The following ZMYM6 variants were observed in gnomAD, a reference collection of about 807,000 sequenced individuals.
ZMYM6 encodes the protein zinc finger MYM-type protein 6.
In ZMYM6, 90 loss-of-function variants were observed where a neutral mutation model predicts 134.0. The ratio of observed to expected loss-of-function variants is 0.67; its 90% CI spans 0.57 to 0.80. The LOEUF is 0.80. ZMYM6 is among the 30% of genes least tolerant of loss of function. The probability of loss-of-function intolerance (pLI) is 0.00; values close to 1 mark genes in which losing one functional copy is unlikely to be tolerated. For missense variants in ZMYM6, 1,362 were observed against 1,533.9 expected, an observed-to-expected ratio of 0.89 and a Z score of 1.87; for synonymous variants, 481 against 524.1, an observed-to-expected ratio of 0.92 and a Z score of 1.12.
chr1:35,013,186 T>C (rs1444827961), intron 6 of ZMYM6: 16 of 718,756 alleles, frequency 2.2e-5, no homozygotes, highest in Non-Finnish European at 2.7e-5. Flanking sequence ...CTAAGAAATT[T>C]ATATATAGTG....
chr1:35,009,218 C>T lies in ZMYM6; in HGVS notation c.1493-294G>A, dbSNP rs536337957. ...GGTTCAAACGATTCTCCTGCCTCAG[C>T]CTCCTGAGTAGAGCAGCTGGGATTA... On this transcript the variant is annotated intron_variant, in intron 10 of 15. Transcript: ENST00000357182. Among the ~76,000 whole-genome samples the T allele has an allele frequency of 1.1e-4, 17 of 152,316 alleles. No individual in the cohort carries two copies. In the East Asian group the frequency reaches 3.1e-3, roughly 28 times the overall value.
chr1:35,007,174 G>A, intron 11 of ZMYM6, 76 bp from the exon 12 acceptor site: 17 of 1,439,316 alleles, frequency 1.2e-5, no homozygotes, highest in East Asian at 4.9e-5. Context: ...ATAAAAAGAG[G>A]GACTACGAAA....
chr1:35,025,472 AAAAAAAAAAAAAAAAAG>A (rs1641394256), intron 2 of ZMYM6, among the ~76,000 whole-genome samples: 1 of 144,460 alleles, frequency 6.9e-6, no homozygotes, highest in Non-Finnish European at 1.5e-5. Flanking sequence ...ATCCCAAAAA[AAAAAAAAAAAAAAAAAG>A]AAAGAAAAAA....
In ZMYM6 at chr1:35,008,796, A is replaced by G. The variant is rs1557573043; in HGVS notation, c.1621T>C (p.Cys541Arg). 5 of 1,614,146 alleles carry G rather than the reference A, an allele frequency of 3.1e-6. No individual in the cohort carries two copies. The highest frequency in any genetic ancestry group is 3.4e-6 in the Non-Finnish European group (4 of 1,180,012). Residue 541 changes from cysteine (C) to arginine (R), a missense_variant, in exon 11 of 16, where the codon TGT (cysteine) becomes CGT (arginine). Cys to Arg is a radical substitution (Grantham distance 180). Coordinates refer to ENST00000357182, the MANE Select transcript of ZMYM6 (RefSeq NM_007167.4). ...AATTTGGACATACAATCTTCACAACAAAACTCTTCTAACTTGCCCTCCAAT... is the reference window on the plus strand; with the variant it reads ...AATTTGGACATACAATCTTCACAACGAAACTCTTCTAACTTGCCCTCCAAT... ...NRLEGKLEEF[C>R]CEDCMSKFTV...
chr1:35,004,386 C>G (rs1460632220), intron 13 of ZMYM6, among the ~76,000 whole-genome samples: 1 of 152,086 alleles, frequency 6.6e-6, no homozygotes, highest in Admixed American at 6.5e-5. Context: ...TTTGGGAGGC[C>G]AAGGCGGGAG....
chr1:35,009,606 A>G (rs1205595566), intron 10 of ZMYM6, among the ~76,000 whole-genome samples: 1 of 152,152 alleles, frequency 6.6e-6, no homozygotes, highest in East Asian at 1.9e-4. Context: ...TCATTTTTAC[A>G]GTTTTTTATT....
rs528225138 is a variant in ZMYM6 at position 34,992,056 on chromosome 1, G to A, written c.2146+178C>T. 1.1e-3 allele frequency: 819 copies of A among 773,746 alleles called. 15 individuals are homozygous for A. The South Asian group carries it at 0.012, about 11-fold the overall frequency. 47.9% of individuals were successfully genotyped at this position (773,746 alleles called of 1,614,324 possible). A position where few individuals can be genotyped will look rare whatever the true frequency, so the allele number is the denominator to read the frequency against. On this transcript the variant is annotated intron_variant, in intron 15 of 15. Coordinates refer to ENST00000357182, the MANE Select transcript of ZMYM6 (RefSeq NM_007167.4). ...TTATAATAGCTTGTTATGATAGCTG[G>A]TTATTAGTGTTAATAATTATGAAAG...
intron 2 of ZMYM6, among the ~76,000 whole-genome samples, chr1:35,023,762 C>T (rs375623915): frequency 1.2e-4 from 18 of 151,668 alleles, no homozygotes; most frequent in African/African-American, 4.4e-4. Flanking sequence ...GCTGGGACTA[C>T]AGGCGCCCAC....
At chr1:35,024,176 C>T (rs1641363145) in intron 2 of ZMYM6, among the ~76,000 whole-genome samples, 1 of 152,174 alleles carries the variant, frequency 6.6e-6, no homozygotes, top group South Asian at 2.1e-4. Flanking sequence ...AGCAAACTGT[C>T]CTGCTATCTT....
intron 15 of ZMYM6, chr1:34,989,631 G>C (rs1404731192): frequency 6.6e-6 from 1 of 151,764 alleles, no homozygotes; most frequent in Non-Finnish European, 1.5e-5. Flanking sequence ...GCCAGGCATG[G>C]GGCTCACACC....
chr1:34,988,118 G>A lies in ZMYM6; in HGVS notation c.2964C>T (p.Gly988=). 1 of 1,551,420 alleles carries A rather than the reference G, an allele frequency of 6.4e-7. No individual in the cohort carries two copies. Among genetic ancestry groups the A allele is most frequent in the Non-Finnish European group, 8.7e-7 (1 of 1,146,966 alleles). The change falls in exon 16 of 16, where the codon GGC becomes GGT. Residue 988 remains glycine, a synonymous_variant. Coordinates refer to ENST00000357182, the MANE Select transcript of ZMYM6 (RefSeq NM_007167.4). ...LCTDGAASMT[G]RYSGLKAKIQ... Reference sequence around the variant, plus strand: ...TTTTTGCTTTTAAACCAGAATACCTGCCAGTCATGCTTGCAGCCCCATCGG... The same window carrying A: ...TTTTTGCTTTTAAACCAGAATACCTACCAGTCATGCTTGCAGCCCCATCGG...
chr1:35,014,736 C>A lies in ZMYM6; in HGVS notation c.756G>T (p.Gln252His). ...CYSSSGPCQS[Q>H]KVFSSTSVTA... The stretch of plus-strand genomic sequence containing the variant: ...TGACACTTGTTGAACTAAAAACCTT[C>A]TGGGATTGGCAAGGACCAGAGCTAC... Residue 252 changes from glutamine to histidine, a missense_variant, in exon 6 of 16, where the codon CAG (glutamine) becomes CAT (histidine). Gln to His is a conservative substitution (Grantham distance 24). Transcript: ENST00000357182. The A allele has an allele frequency of 2.5e-6, 4 of 1,614,086 alleles. No individual in the cohort carries two copies. Among genetic ancestry groups the A allele is most frequent in the Non-Finnish European group, 3.4e-6 (4 of 1,180,022 alleles).
At chr1:34,990,270 C>A (rs1640649118) in intron 15 of ZMYM6, 1 of 271,186 alleles carries the variant, frequency 3.7e-6, no homozygotes, top group South Asian at 3.2e-5. Context: ...CATGAGGTCA[C>A]GAGTTTGAGA....
intron 15 of ZMYM6, 147 bp downstream of exon 15, chr1:34,992,087 A>C (rs1182098197): frequency 1.0e-6 from 1 of 994,908 alleles, no homozygotes; most frequent in Non-Finnish European, 1.6e-6. Flanking sequence ...GAAAGCAATA[A>C]ATTAAGTATT....
chr1:35,019,166 T>A, intron 4 of ZMYM6, 187 bp downstream of exon 4: 1 of 800,784 alleles, frequency 1.2e-6, no homozygotes, highest in Non-Finnish European at 1.9e-6. Flanking sequence ...GTTTAGGCAA[T>A]ATTCTAACAC....
At chr1:34,991,130 C>G (rs1640665912) in intron 15 of ZMYM6, among the ~76,000 whole-genome samples, 1 of 152,096 alleles carries the variant, frequency 6.6e-6, no homozygotes, top group Admixed American at 6.6e-5. Flanking sequence ...TGCCAAAGTG[C>G]TGGGATTATA....
chr1:35,010,478 G>T lies in ZMYM6; in HGVS notation c.1461C>A (p.Phe487Leu), dbSNP rs1313607226. 9.9e-6 allele frequency: 16 copies of T among 1,613,394 alleles called. No individual in the cohort carries two copies. Among genetic ancestry groups the T allele is most frequent in the African/African-American group, 1.3e-5 (1 of 74,848 alleles). The stretch of plus-strand genomic sequence containing the variant: ...TACAGAATGGCTTATCAACCCCTGA[G>T]AATCGCACAGTCTCCTTTATAATTT... ...LQKIIKETVR[F>L]SGVDKPFCSE... Residue 487 changes from phenylalanine to leucine, a missense_variant, in exon 10 of 16, where the codon TTC becomes TTA. Coordinates refer to ENST00000357182, the MANE Select transcript of ZMYM6 (RefSeq NM_007167.4).
At position 35,008,808 on chromosome 1, in the gene ZMYM6, A is replaced by T; in HGVS notation, c.1609T>A (p.Leu537Ile). The T allele has an allele frequency of 6.2e-7, 1 of 1,614,114 alleles. No individual in the cohort carries two copies. Among genetic ancestry groups the T allele is most frequent in the South Asian group, 1.1e-5 (1 of 91,082 alleles). The change falls in exon 11 of 16, where the codon TTA (leucine) becomes ATA (isoleucine). Residue 537 changes from leucine (L) to isoleucine (I), a missense_variant. Leu to Ile is a conservative substitution (Grantham distance 5, BLOSUM62 2). This residue lies in a region of ZMYM6 where 824 missense variants were observed against 940.9 expected (regional missense o/e 0.88). Transcript: ENST00000357182. ...CAATCTTCACAACAAAACTCTTCTA[A>T]CTTGCCCTCCAATCGATTTTCTACC... ...NLVENRLEGK[L>I]EEFCCEDCMS... is the part of the protein sequence containing the mutation.
intron 14 of ZMYM6, among the ~76,000 whole-genome samples, chr1:34,997,910 A>T (rs1275936620): frequency 2.6e-5 from 4 of 152,176 alleles, no homozygotes; most frequent in African/African-American, 9.7e-5. Context: ...TTGTCACAGC[A>T]TTATTTATTA....
Sources: gnomAD v4.1 joint callset for allele counts (sites outside exome capture counted in the v4.1 genomes callset) on GRCh38, gnomAD v4.1.1 for gene constraint, gnomAD v4.1.1 regional missense constraint, MANE v1.5 for transcripts, NCBI Gene and HGNC (gene_info 2026-07-23, HGNC 2026-07-21) for gene names.